Variants in GUCY1A2 observed in about 807,000 individuals in gnomAD.
The protein encoded by GUCY1A2 is guanylate cyclase 1 soluble subunit alpha 2, also known as guanylate cyclase soluble subunit alpha-2.
Under a neutral mutation model 63.5 loss-of-function variants are expected in GUCY1A2, and 27 were observed. That is an observed-to-expected ratio of 0.43 (90% CI 0.31 to 0.59). The LOEUF (loss-of-function observed/expected upper bound fraction) is 0.59. Ranked by LOEUF, GUCY1A2 falls within the 20% of genes least tolerant of loss-of-function variation. The pLI, the probability that GUCY1A2 is intolerant of heterozygous loss-of-function variation, is 0.11. For synonymous variants in GUCY1A2, 364 were observed against 343.5 expected (o/e 1.06, Z -0.66); for missense variants, 768 against 913.3 (o/e 0.84, Z 2.05).
intron 4 of GUCY1A2, among the ~76,000 whole-genome samples, chr11:106,872,790 T>A (rs10789549): frequency 0.69 from 104,710 of 152,066 alleles, 36,565 homozygotes; most frequent in Non-Finnish European, 0.76. Context: ...CTGTTCTTTT[T>A]TTTCTTTTTT....
intron 4 of GUCY1A2, among the ~76,000 whole-genome samples, chr11:106,817,643 AACTG>A (rs752993382): frequency 7.9e-5 from 12 of 152,242 alleles, no homozygotes; most frequent in Admixed American, 2.6e-4. Context: ...TAAAGAACTC[AACTG>A]ACTAAGAAGA....
intron 4 of GUCY1A2, among the ~76,000 whole-genome samples, chr11:106,845,124 C>T (rs970165596): frequency 1.3e-5 from 2 of 151,668 alleles, no homozygotes; most frequent in African/African-American, 2.4e-5. Context: ...CCTGGCTGTA[C>T]ATTAGAATCA....
intron 5 of GUCY1A2, among the ~76,000 whole-genome samples, chr11:106,784,461 G>A (rs1864521897): frequency 6.6e-6 from 1 of 152,050 alleles, no homozygotes; most frequent in African/African-American, 2.4e-5. Flanking sequence ...AGGAGGGAGT[G>A]CCCCTGGTCC....
At chr11:106,833,236 G>A (rs922377639) in intron 4 of GUCY1A2, among the ~76,000 whole-genome samples, 2 of 151,988 alleles carry the variant, frequency 1.3e-5, no homozygotes, top group African/African-American at 4.8e-5. Flanking sequence ...AAATAATAGA[G>A]AAACTTATCT....
intron 5 of GUCY1A2, among the ~76,000 whole-genome samples, chr11:106,785,841 G>T (rs1258951608): frequency 6.7e-6 from 1 of 149,484 alleles, no homozygotes; most frequent in South Asian, 2.1e-4. Flanking sequence ...TATGAAGTGA[G>T]TTAAAAATAG....
intron 6 of GUCY1A2, among the ~76,000 whole-genome samples, chr11:106,721,540 C>A (rs1863316939): frequency 6.6e-6 from 1 of 152,154 alleles, no homozygotes; most frequent in South Asian, 2.1e-4. Context: ...ATACTCTAAT[C>A]TTCTGTGTAT....
At chr11:106,816,069 TAACAACAAAATCTACAAA>T (rs1858826897) in intron 4 of GUCY1A2, among the ~76,000 whole-genome samples, 1 of 150,654 alleles carries the variant, frequency 6.6e-6, no homozygotes, top group Non-Finnish European at 1.5e-5. Context: ...ACTGATACCT[TAACAACAAAATCTACAAA>T]AACAACAAAA....
chr11:106,834,966 A>G (rs992691764), intron 4 of GUCY1A2, among the ~76,000 whole-genome samples: 2 of 152,126 alleles, frequency 1.3e-5, no homozygotes, highest in Admixed American at 1.3e-4. Flanking sequence ...TACATGGAAT[A>G]TATCTTTAAA....
rs1234131977 is a variant in GUCY1A2, at chr11:106,893,002, C to G, written c.1206+46458G>C. ...GCGGATGTATTTCTTTATAAGGCAA[C>G]ATTAGCAATAACAACAACAAAAAAA... On this transcript the variant is annotated intron_variant, in intron 4 of 7. Transcript: ENST00000526355. Among the ~76,000 whole-genome samples the G allele has an allele frequency of 3.9e-5, 6 of 152,052 alleles. No homozygotes were observed. The South Asian group carries it at 1.2e-3, about 32-fold the overall frequency.
At chr11:106,888,723 A>G (rs1859934441) in intron 4 of GUCY1A2, among the ~76,000 whole-genome samples, 1 of 152,174 alleles carries the variant, frequency 6.6e-6, no homozygotes. Context: ...TCCTTGTCCC[A>G]TAAGAATCAT....
At chr11:106,871,361 A>T (rs769954437) in intron 4 of GUCY1A2, among the ~76,000 whole-genome samples, 9 of 152,128 alleles carry the variant, frequency 5.9e-5, no homozygotes, top group Non-Finnish European at 2.9e-5. Context: ...TTATTCTCTC[A>T]CAGTTTTGGA....
At position 106,939,803 on chromosome 11, in the gene GUCY1A2, C is replaced by G; in HGVS notation, c.863G>C (p.Cys288Ser). Residue 288 changes from cysteine to serine, a missense_variant, in exon 4 of 8, where the codon TGT becomes TCT. Transcript: ENST00000526355. ...ACATTCTTTGATAAGGAAAGTAAGACAGCTACAATTGCCTGGGTTTGAAAC... is the reference window on the plus strand; with the variant it reads ...ACATTCTTTGATAAGGAAAGTAAGAGAGCTACAATTGCCTGGGTTTGAAAC... Reference protein sequence around the residue: ...SDVSNPGNCSCLTFLIKECEN... With the variant: ...SDVSNPGNCSSLTFLIKECEN... 1 of 1,613,744 alleles carries G rather than the reference C, an allele frequency of 6.2e-7. No homozygotes were observed.
intron 4 of GUCY1A2, among the ~76,000 whole-genome samples, chr11:106,929,713 T>C (rs1039421840): frequency 3.3e-5 from 5 of 152,280 alleles, no homozygotes; most frequent in Middle Eastern, 3.4e-3. Flanking sequence ...TAGACCTTTA[T>C]TTCACTAGGC....
intron 5 of GUCY1A2, among the ~76,000 whole-genome samples, chr11:106,806,061 C>A (rs1214112298): frequency 6.6e-6 from 1 of 152,042 alleles, no homozygotes; most frequent in Non-Finnish European, 1.5e-5. Context: ...TCTGGGCCTA[C>A]TAGGTATGTG....
At position 106,686,695 on chromosome 11, in the gene GUCY1A2, T is replaced by A. The variant is rs1415020748; in HGVS notation, c.*854A>T. 1 of 211,042 alleles carries A rather than the reference T, an allele frequency of 4.7e-6. No individual in the cohort carries two copies. 13.1% of individuals were successfully genotyped at this position (211,042 alleles called of 1,614,324 possible). On this transcript the variant is annotated 3_prime_UTR_variant, in exon 8 of 8. Coordinates refer to ENST00000526355, the MANE Select transcript of GUCY1A2 (RefSeq NM_000855.3). ...GCAAAGCATTTCATTTTAACTGATA[T>A]TTGTTAGAAGGTGGCAAAAAGACCT...
chr11:106,848,118 T>A (rs1021748104), intron 4 of GUCY1A2, among the ~76,000 whole-genome samples: 4 of 151,664 alleles, frequency 2.6e-5, no homozygotes, highest in African/African-American at 9.7e-5. Context: ...CTACCAATCA[T>A]AACAGAGAAG....
intron 5 of GUCY1A2, among the ~76,000 whole-genome samples, chr11:106,797,258 CCTT>C (rs1225176917): frequency 6.6e-6 from 1 of 152,110 alleles, no homozygotes; most frequent in Non-Finnish European, 1.5e-5. Flanking sequence ...TCGTCTGAAG[CCTT>C]CTTCTCTCAA....
intron 1 of GUCY1A2, among the ~76,000 whole-genome samples, chr11:106,997,494 T>A (rs1284071787): frequency 1.3e-5 from 2 of 152,056 alleles, no homozygotes; most frequent in Admixed American, 6.6e-5. Flanking sequence ...GCCTATGTTG[T>A]GTAAACTCAT....
At chr11:106,842,734 T>A (rs1265313367) in intron 4 of GUCY1A2, among the ~76,000 whole-genome samples, 2 of 151,790 alleles carry the variant, frequency 1.3e-5, no homozygotes, top group Non-Finnish European at 2.9e-5. Flanking sequence ...TAGGGAGGAA[T>A]GAAGGTGGGT....
Sources: allele counts gnomAD v4.1 joint callset (sites outside exome capture counted in the v4.1 genomes callset), GRCh38; gene constraint gnomAD v4.1.1; transcripts MANE v1.5; gene names NCBI Gene and HGNC (gene_info 2026-07-23, HGNC 2026-07-21).